PARK7: variants seen among roughly 807,000 people sequenced by gnomAD.
The protein encoded by PARK7 is Parkinson disease protein 7.
In PARK7, 14 loss-of-function variants were observed where a neutral mutation model predicts 20.5. That is an observed-to-expected ratio of 0.68 (90% CI 0.45 to 1.07). The LOEUF (loss-of-function observed/expected upper bound fraction) is 1.07. Ranked by LOEUF, PARK7 falls within the 50% of genes least tolerant of loss-of-function variation. The pLI is 0.00. For missense variants in PARK7, 234 were observed against 238.1 expected (o/e 0.98, Z 0.11); for synonymous variants, 98 against 84.3 (o/e 1.16, Z -0.89).
At chr1:7,966,280 G>T (rs953210035) in intron 3 of PARK7, among the ~76,000 whole-genome samples, 1 of 152,074 alleles carries the variant, frequency 6.6e-6, no homozygotes, top group Non-Finnish European at 1.5e-5. Flanking sequence ...GCTGTCCTCA[G>T]ATACATAGGA....
intron 5 of PARK7, among the ~76,000 whole-genome samples, chr1:7,975,387 A>C (rs946802087): frequency 2.0e-5 from 3 of 152,166 alleles, no homozygotes; most frequent in Non-Finnish European, 4.4e-5. Flanking sequence ...CTCTGGAAGC[A>C]AGGTCTTGGC....
chr1:7,970,087 C>T (rs748377223), intron 4 of PARK7, among the ~76,000 whole-genome samples: 7 of 151,844 alleles, frequency 4.6e-5, no homozygotes, highest in East Asian at 1.9e-4. Flanking sequence ...CCCAGCTACT[C>T]GGGAGGCTAT....
intron 1 of PARK7, among the ~76,000 whole-genome samples, chr1:7,962,362 A>T (rs1356538580): frequency 6.6e-6 from 1 of 152,146 alleles, no homozygotes; most frequent in East Asian, 1.9e-4. Flanking sequence ...ATTTTTGCCC[A>T]TGAAATTCAG....
intron 3 of PARK7, among the ~76,000 whole-genome samples, chr1:7,967,624 A>C (rs1384959027): frequency 1.3e-5 from 2 of 152,190 alleles, no homozygotes; most frequent in East Asian, 3.8e-4. Flanking sequence ...TTATGGTCTT[A>C]AAAGTGATTC....
intron 3 of PARK7, among the ~76,000 whole-genome samples, chr1:7,966,173 C>CT (rs1640324774): frequency 6.6e-6 from 1 of 152,078 alleles, no homozygotes; most frequent in African/African-American, 2.4e-5. Flanking sequence ...ACTGTACCCT[C>CT]TGACAGCAGG....
Position 7,977,711 on chromosome 1 carries a change from C to T in PARK7, c.382C>T (p.Leu128Phe), listed in dbSNP as rs748028245. ...GFGSKVTTHP[L>F]AKDKMMNGGH... is the part of the protein sequence containing the mutation. ...TGGAAGTAAAGTTACAACACACCCT[C>T]TTGCTAAAGACAAAATGATGAATGG... Residue 128 changes from leucine (L) to phenylalanine (F), a missense_variant, in exon 6 of 7, where the codon CTT becomes TTT. Transcript: ENST00000338639. 3 of 1,614,134 alleles carry T rather than the reference C, an allele frequency of 1.9e-6. No individual in the cohort carries two copies. Among genetic ancestry groups the T allele is most frequent in the East Asian group, 2.2e-5 (1 of 44,880 alleles).
intron 4 of PARK7, among the ~76,000 whole-genome samples, chr1:7,970,187 C>T (rs756535834): frequency 1.3e-5 from 2 of 151,958 alleles, no homozygotes; most frequent in Non-Finnish European, 2.9e-5. Context: ...AAAGCAAGAA[C>T]CTGTCTTATC....
At chr1:7,974,113 C>G (rs1040686456) in intron 5 of PARK7, among the ~76,000 whole-genome samples, 1 of 149,778 alleles carries the variant, frequency 6.7e-6, no homozygotes, top group African/African-American at 2.5e-5. Context: ...AGTTCAAGAC[C>G]AGCCTGGGCA....
At chr1:7,970,797 G>T (rs1365397336) in intron 4 of PARK7, 97 bp from the exon 5 acceptor site, 3 of 1,204,700 alleles carry the variant, frequency 2.5e-6, no homozygotes, top group Non-Finnish European at 3.6e-6. Flanking sequence ...AGAGCTTGTG[G>T]TTTAAACTAA....
intron 6 of PARK7, among the ~76,000 whole-genome samples, chr1:7,978,934 A>G (rs1640646691): frequency 6.6e-6 from 1 of 151,602 alleles, no homozygotes; most frequent in African/African-American, 2.4e-5. Flanking sequence ...CTAAAATGAG[A>G]TCTACTAAAT....
chr1:7,964,407 C>T (rs1298958243), intron 2 of PARK7, among the ~76,000 whole-genome samples: 2 of 152,180 alleles, frequency 1.3e-5, no homozygotes, highest in Non-Finnish European at 2.9e-5. Flanking sequence ...TCTGTTAACC[C>T]TATACTCCTC....
At chr1:7,962,507 T>C (rs1360031288) in intron 1 of PARK7, among the ~76,000 whole-genome samples, 1 of 152,180 alleles carries the variant, frequency 6.6e-6, no homozygotes, top group Non-Finnish European at 1.5e-5. Context: ...TAAGAGAACA[T>C]GGTAGAAGAA....
At chr1:7,971,464 A>G (rs1323994327) in intron 5 of PARK7, 1 of 169,244 alleles carries the variant, frequency 5.9e-6, no homozygotes, top group Non-Finnish European at 1.3e-5. Flanking sequence ...GAACAAGGAC[A>G]TTTGGTGCTT....
Position 7,985,092 on chromosome 1 carries a change from G to T in PARK7, c.*38G>T, listed in dbSNP as rs375081848. 4 of 1,603,954 alleles carry T rather than the reference G, an allele frequency of 2.5e-6. No individual in the cohort carries two copies. The African/African-American group carries it at 5.4e-5, about 21-fold the overall frequency. ...CGACGATCACTTAGAGAAACAGGCC[G>T]TTAGGAATCCATTCTCACTGTGTTC... On this transcript the variant is annotated 3_prime_UTR_variant, in exon 7 of 7. Coordinates refer to ENST00000338639, the MANE Select transcript of PARK7 (RefSeq NM_007262.5).
At chr1:7,968,920 C>T (rs1408843815) in intron 3 of PARK7, among the ~76,000 whole-genome samples, 5 of 152,202 alleles carry the variant, frequency 3.3e-5, no homozygotes, top group Non-Finnish European at 7.3e-5. Context: ...GTCCTGTTCT[C>T]ATTCTCCCTC....
chr1:7,976,846 G>T (rs1400427785), intron 5 of PARK7, among the ~76,000 whole-genome samples: 1 of 151,930 alleles, frequency 6.6e-6, no homozygotes, highest in South Asian at 2.1e-4. Context: ...TCAGCCTCCC[G>T]AGTAGCTGGG....
chr1:7,983,614 G>A (rs552786362), intron 6 of PARK7, among the ~76,000 whole-genome samples: 33 of 152,366 alleles, frequency 2.2e-4, no homozygotes, highest in African/African-American at 4.6e-4. Flanking sequence ...GGAGTTCAGC[G>A]TGACCTTCAG....
chr1:7,981,666 T>TTG (rs1640712147), intron 6 of PARK7, among the ~76,000 whole-genome samples: 2 of 150,894 alleles, frequency 1.3e-5, no homozygotes, highest in Non-Finnish European at 1.5e-5. Context: ...TTTTGTTTTT[T>TTG]TTTTTTTTTT....
intron 2 of PARK7, among the ~76,000 whole-genome samples, chr1:7,964,957 C>G (rs535023847): frequency 1.1e-4 from 16 of 152,322 alleles, no homozygotes; most frequent in Admixed American, 8.5e-4. Flanking sequence ...TAAGTAGGGT[C>G]TGTCCCGGGC....
Sources: allele counts gnomAD v4.1 joint callset (sites outside exome capture counted in the v4.1 genomes callset), GRCh38; gene constraint gnomAD v4.1.1; transcripts MANE v1.5; gene names NCBI Gene and HGNC (gene_info 2026-07-23, HGNC 2026-07-21).